AK5: variants seen among roughly 807,000 people sequenced by gnomAD.
AK5 encodes the protein adenylate kinase isoenzyme 5.
A neutral mutation model predicts 69.5 loss-of-function variants in AK5; 27 were observed. The ratio of observed to expected loss-of-function variants is 0.39; its 90% CI spans 0.29 to 0.54. The LOEUF is 0.54. Among genes scored for constraint, AK5 ranks in the 20% least tolerant of loss-of-function variants. The pLI is 0.71. For missense variants in AK5, 531 were observed against 700.4 expected (o/e 0.76, Z 2.73); for synonymous variants, 260 against 244.4 (o/e 1.06, Z -0.60).
intron 5 of AK5, among the ~76,000 whole-genome samples, chr1:77,324,461 G>A (rs1660693384): frequency 6.6e-6 from 1 of 152,062 alleles, no homozygotes; most frequent in African/African-American, 2.4e-5. Context: ...TTCATCTTGT[G>A]TACCACATTC....
chr1:77,558,541 A>AT (rs1660249786), intron 13 of AK5, 61 bp from the exon 14 acceptor site: 6 of 1,102,398 alleles, frequency 5.4e-6, no homozygotes, highest in Non-Finnish European at 8.2e-6. Flanking sequence ...GTGTTCTTTC[A>AT]TTATTAAACA....
At chr1:77,305,717 C>A (rs1422823149) in intron 5 of AK5, among the ~76,000 whole-genome samples, 2 of 152,094 alleles carry the variant, frequency 1.3e-5, no homozygotes, top group African/African-American at 4.8e-5. Context: ...GTTTTCATGC[C>A]AGTACCACGC....
At chr1:77,356,657 A>C (rs1398117658) in intron 6 of AK5, among the ~76,000 whole-genome samples, 1 of 152,220 alleles carries the variant, frequency 6.6e-6, no homozygotes, top group East Asian at 1.9e-4. Flanking sequence ...CACAGTGCCC[A>C]GCACAGAAAA....
intron 13 of AK5, among the ~76,000 whole-genome samples, chr1:77,546,875 C>A (rs1002583109): frequency 1.3e-5 from 2 of 152,158 alleles, no homozygotes; most frequent in African/African-American, 4.8e-5. Context: ...GACATTTGAG[C>A]TGGGTCCTAA....
chr1:77,461,254 C>G (rs28776274), intron 8 of AK5, among the ~76,000 whole-genome samples: 2,874 of 149,150 alleles, frequency 0.019, 86 homozygotes, highest in East Asian at 0.13. Flanking sequence ...AGGATGATCT[C>G]AATCTCCTGA....
intron 8 of AK5, among the ~76,000 whole-genome samples, chr1:77,437,234 T>C (rs1450445683): frequency 6.6e-6 from 1 of 152,130 alleles, no homozygotes; most frequent in Non-Finnish European, 1.5e-5. Context: ...ATAACATACT[T>C]GATTGAAGTG....
intron 6 of AK5, among the ~76,000 whole-genome samples, chr1:77,360,957 A>T (rs180997696): frequency 9.5e-4 from 145 of 152,304 alleles, no homozygotes; most frequent in African/African-American, 3.1e-3. Context: ...CACATAATGA[A>T]AATGTGACAA....
intron 13 of AK5, among the ~76,000 whole-genome samples, chr1:77,555,782 G>T (rs988454063): frequency 6.6e-6 from 1 of 152,230 alleles, no homozygotes; most frequent in African/African-American, 2.4e-5. Flanking sequence ...GTAAATTCCT[G>T]TTGAATGTTC....
intron 5 of AK5, among the ~76,000 whole-genome samples, chr1:77,330,929 C>T (rs766792070): frequency 6.6e-6 from 1 of 151,946 alleles, no homozygotes; most frequent in Non-Finnish European, 1.5e-5. Context: ...TAGATTTTCC[C>T]CCTAGGTAAT....
At chr1:77,447,925 A>G (rs1652850537) in intron 8 of AK5, among the ~76,000 whole-genome samples, 1 of 152,194 alleles carries the variant, frequency 6.6e-6, no homozygotes, top group Non-Finnish European at 1.5e-5. Flanking sequence ...TAGGAGAGAG[A>G]TGTGATGAGG....
intron 8 of AK5, among the ~76,000 whole-genome samples, chr1:77,443,438 T>A (rs1180029857): frequency 6.6e-6 from 1 of 152,160 alleles, no homozygotes; most frequent in Non-Finnish European, 1.5e-5. Context: ...TCTGTAAAAC[T>A]GACATAACTT....
chr1:77,366,716 C>CT (rs1415002080), intron 6 of AK5, among the ~76,000 whole-genome samples: 2 of 152,152 alleles, frequency 1.3e-5, no homozygotes, highest in Non-Finnish European at 2.9e-5. Flanking sequence ...TAGAGTTAAA[C>CT]TTTCAGGAAA....
chr1:77,426,677 C>T (rs1415422079), intron 8 of AK5, among the ~76,000 whole-genome samples: 4 of 152,164 alleles, frequency 2.6e-5, no homozygotes, highest in African/African-American at 7.2e-5. Context: ...TATCCAACAA[C>T]AACAGAATAC....
At chr1:77,328,884 A>G (rs1278174237) in intron 5 of AK5, among the ~76,000 whole-genome samples, 2 of 152,194 alleles carry the variant, frequency 1.3e-5, no homozygotes, top group Admixed American at 6.5e-5. Context: ...GGAAGTGAAT[A>G]TGGCTTATGG....
intron 6 of AK5, among the ~76,000 whole-genome samples, chr1:77,402,573 G>A (rs1649302134): frequency 6.6e-6 from 1 of 151,620 alleles, no homozygotes; most frequent in South Asian, 2.1e-4. Flanking sequence ...GCGATAGTTT[G>A]CTGAGAATGA....
chr1:77,313,082 T>C (rs1165881723), intron 5 of AK5, among the ~76,000 whole-genome samples: 1 of 152,186 alleles, frequency 6.6e-6, no homozygotes, highest in Non-Finnish European at 1.5e-5. Context: ...TGATCTGGTT[T>C]TTCCACCATT....
chr1:77,518,410 C>T (rs1657789599), intron 10 of AK5, among the ~76,000 whole-genome samples, 154 bp from the exon 11 acceptor site: 1 of 152,210 alleles, frequency 6.6e-6, no homozygotes, highest in Non-Finnish European at 1.5e-5. Context: ...CACTTGCATC[C>T]ACCACTCTCA....
intron 6 of AK5, among the ~76,000 whole-genome samples, chr1:77,367,839 A>ATATATAATATATGT: frequency 0.016 from 17 of 1,058 alleles, 6 homozygotes; most frequent in Non-Finnish European, 0.027. Flanking sequence ...AATATATGTT[A>ATATATAATATATGT]TATATATTAT....
intron 8 of AK5, among the ~76,000 whole-genome samples, chr1:77,432,597 GAC>G (rs1410994004): frequency 6.6e-6 from 1 of 152,174 alleles, no homozygotes; most frequent in Non-Finnish European, 1.5e-5. Flanking sequence ...CAGTCTTAAA[GAC>G]AAACAATTGA....
Sources: allele counts gnomAD v4.1 joint callset (sites outside exome capture counted in the v4.1 genomes callset), GRCh38; gene constraint gnomAD v4.1.1; transcripts MANE v1.5; gene names NCBI Gene and HGNC (gene_info 2026-07-23, HGNC 2026-07-21).